ASAP2: variants seen among roughly 807,000 people sequenced by gnomAD.
The protein encoded by ASAP2 is ArfGAP with SH3 domain, ankyrin repeat and PH domain 2, also known as arf-GAP with SH3 domain, ANK repeat and PH domain-containing protein 2.
ASAP2 carries 45 observed loss-of-function variants against 131.4 expected under a neutral mutation model. The ratio of observed to expected loss-of-function variants is 0.34; its 90% CI spans 0.27 to 0.44. The LOEUF (loss-of-function observed/expected upper bound fraction) is 0.44. ASAP2 is among the 20% of genes least tolerant of loss of function. The pLI, the probability that ASAP2 is intolerant of heterozygous loss-of-function variation, is 1.00. For missense variants in ASAP2, 1,011 were observed against 1,297.0 expected, an observed-to-expected ratio of 0.78 and a Z score of 3.39; for synonymous variants, 510 against 503.0, an observed-to-expected ratio of 1.01 and a Z score of -0.19.
At chr2:9,325,268 T>C (rs1432280071) in intron 6 of ASAP2, among the ~76,000 whole-genome samples, 1 of 152,044 alleles carries the variant, frequency 6.6e-6, no homozygotes, top group Non-Finnish European at 1.5e-5. Context: ...CCTCATAGAG[T>C]GGCAGAGAAA....
At chr2:9,320,570 G>A (rs534354948) in intron 5 of ASAP2, among the ~76,000 whole-genome samples, 1 of 152,272 alleles carries the variant, frequency 6.6e-6, no homozygotes, top group African/African-American at 2.4e-5. Flanking sequence ...GTTATAGGAT[G>A]TTATTTTCAG....
At chr2:9,365,228 AG>A (rs1673376055) in intron 15 of ASAP2, among the ~76,000 whole-genome samples, 1 of 152,202 alleles carries the variant, frequency 6.6e-6, no homozygotes, top group Admixed American at 6.5e-5. Flanking sequence ...AGTTTGGTCA[AG>A]CCCCTTCCCT....
intron 16 of ASAP2, among the ~76,000 whole-genome samples, chr2:9,368,946 G>A (rs947059357): frequency 1.3e-5 from 2 of 151,800 alleles, no homozygotes; most frequent in African/African-American, 4.8e-5. Flanking sequence ...CCTTGCAAAT[G>A]TGGAATGTGT....
In ASAP2 at chr2:9,302,122, C is replaced by CTTTT. The variant is rs60869426; in HGVS notation, c.345+4691_345+4694dup. On this transcript the variant is annotated intron_variant, in intron 3 of 27. Transcript: ENST00000281419. ...ACAGGCGTGAGCCACCGCGCCCGGC[C>CTTTT]TTTTTTTTTTTTTTTTTCCCAAACA... Among the ~76,000 whole-genome samples the CTTTT allele has an allele frequency of 1.8e-3, 188 of 103,382 alleles. 1 individual carries two copies. Among genetic ancestry groups the CTTTT allele is most frequent in the South Asian group, 2.3e-3 (7 of 3,002 alleles). The allele number at this position is 103,382 out of a possible 152,430, so 67.8% of individuals were successfully genotyped here.
At chr2:9,220,536 A>G (rs1662342511) in intron 1 of ASAP2, among the ~76,000 whole-genome samples, 1 of 152,190 alleles carries the variant, frequency 6.6e-6, no homozygotes, top group Non-Finnish European at 1.5e-5. Context: ...TATCTATTCA[A>G]ATCCTTTGCC....
chr2:9,350,688 C>T lies in ASAP2; in HGVS notation c.1024-120C>T, dbSNP rs1672272077. ...GCCTTCCTCTGTCAAGTCTGAAGGC[C>T]ACCTTTGCAAACTAGTGAAGAGCTT... is the stretch of plus-strand genomic sequence containing the variant. On this transcript the variant is annotated intron_variant, in intron 11 of 27. Coordinates refer to ENST00000281419, the MANE Select transcript of ASAP2 (RefSeq NM_003887.3). 6.5e-6 allele frequency: 5 copies of T among 771,702 alleles called. No individual in the cohort carries two copies. In the Admixed American group the frequency reaches 8.7e-5, roughly 13 times the overall value. 47.8% of individuals were successfully genotyped at this position (771,702 alleles called of 1,614,324 possible).
intron 7 of ASAP2, among the ~76,000 whole-genome samples, chr2:9,334,201 G>GTTTTTTTTTTTTT (rs111579113): frequency 1.5e-5 from 2 of 129,494 alleles, no homozygotes; most frequent in African/African-American, 3.0e-5. Context: ...TTTTGTATTT[G>GTTTTTTTTTTTTT]TTTTTTTTTT....
intron 16 of ASAP2, among the ~76,000 whole-genome samples, chr2:9,371,932 C>T (rs932162189): frequency 4.6e-5 from 7 of 152,088 alleles, no homozygotes; most frequent in Non-Finnish European, 7.4e-5. Context: ...CTGGCTAACA[C>T]GGTGAAACCC....
At chr2:9,358,672 T>C in intron 14 of ASAP2, 84 bp from the exon 15 acceptor site, 1 of 1,503,608 alleles carries the variant, frequency 6.7e-7, no homozygotes, top group South Asian at 1.3e-5. Context: ...GAACTGCTTG[T>C]TCAGTAACTA....
chr2:9,378,970 A>G lies in ASAP2; in HGVS notation c.1859A>G (p.Lys620Arg), dbSNP rs199689150. 5.3e-6 allele frequency: 8 copies of G among 1,513,226 alleles called. No individual in the cohort carries two copies. The highest frequency in any genetic ancestry group is 1.8e-4 in the Middle Eastern group (1 of 5,650). 93.7% of individuals were successfully genotyped at this position (1,513,226 alleles called of 1,614,324 possible). Reference protein sequence around the residue: ...NSGNLDKQTGKGSTALHYCCL... With the variant: ...NSGNLDKQTGRGSTALHYCCL... Reference sequence around the variant, plus strand: ...GGGAACCTGGATAAACAGACAGGGAAAGGCAGCACAGCCCTGCACTACTGC... The same window carrying G: ...GGGAACCTGGATAAACAGACAGGGAGAGGCAGCACAGCCCTGCACTACTGC... Residue 620 changes from lysine (K) to arginine (R), a missense_variant, in exon 19 of 28, where the codon AAA becomes AGA. Lys to Arg is a conservative substitution (Grantham distance 26). Transcript: ENST00000281419.
At chr2:9,254,218 A>AT (rs1664934245) in intron 1 of ASAP2, among the ~76,000 whole-genome samples, 2 of 77,812 alleles carry the variant, frequency 2.6e-5, no homozygotes, top group Non-Finnish European at 2.4e-5. Flanking sequence ...CAAAAAAAAA[A>AT]AAAAAAAAAA....
At chr2:9,280,649 G>A (rs905605119) in intron 2 of ASAP2, among the ~76,000 whole-genome samples, 1 of 152,174 alleles carries the variant, frequency 6.6e-6, no homozygotes, top group Non-Finnish European at 1.5e-5. Flanking sequence ...TTAGTGTCAG[G>A]CCTCCCCAAA....
Position 9,388,297 on chromosome 2 carries a change from A to C in ASAP2, c.2134A>C (p.Ser712Arg), listed in dbSNP as rs764019472. The C allele has an allele frequency of 1.2e-6, 2 of 1,613,828 alleles. No homozygotes were observed. Among genetic ancestry groups the C allele is most frequent in the South Asian group, 1.1e-5 (1 of 91,026 alleles). Reference protein sequence around the residue: ...DDDMDEKLQPSPNRREDRPIS... With the variant: ...DDDMDEKLQPRPNRREDRPIS... ...CTGCCCCAATGTTCTCCTGCAGCCC[A>C]GTCCCAACCGGCGGGAAGACCGGCC... The change falls in exon 22 of 28, where the codon AGT becomes CGT. Residue 712 changes from serine (S) to arginine (R), a missense_variant. Transcript: ENST00000281419.
intron 3 of ASAP2, among the ~76,000 whole-genome samples, chr2:9,299,608 G>A (rs1383831362): frequency 1.3e-5 from 2 of 152,182 alleles, no homozygotes; most frequent in East Asian, 1.9e-4. Context: ...GGATCATGGC[G>A]AAGGGAAGTC....
chr2:9,381,387 T>G (rs900806743), intron 20 of ASAP2, among the ~76,000 whole-genome samples: 1 of 152,250 alleles, frequency 6.6e-6, no homozygotes, highest in Non-Finnish European at 1.5e-5. Flanking sequence ...TATATAAGGT[T>G]GTTGTGAGAA....
intron 27 of ASAP2, 73 bp from the exon 28 acceptor site, chr2:9,403,180 C>G: frequency 7.5e-7 from 1 of 1,329,644 alleles, no homozygotes; most frequent in Non-Finnish European, 1.1e-6. Flanking sequence ...ACCAAACGCT[C>G]TATGTAATGC....
intron 8 of ASAP2, 136 bp from the exon 9 acceptor site, chr2:9,334,957 T>G: frequency 7.5e-7 from 1 of 1,325,084 alleles, no homozygotes; most frequent in Non-Finnish European, 1.1e-6. Context: ...TCCTCTGTCT[T>G]GGTGGGAGGG....
intron 3 of ASAP2, among the ~76,000 whole-genome samples, chr2:9,312,889 A>G (rs995371904): frequency 1.3e-5 from 2 of 152,120 alleles, no homozygotes; most frequent in Non-Finnish European, 2.9e-5. Flanking sequence ...CCCCGTCTCT[A>G]CTAATAATAC....
intron 15 of ASAP2, 147 bp downstream of exon 15, chr2:9,359,036 C>T: frequency 9.5e-7 from 1 of 1,058,106 alleles, no homozygotes; most frequent in Non-Finnish European, 1.3e-6. Flanking sequence ...ATTGATAATT[C>T]TTCATTTTTA....
Sources: allele counts gnomAD v4.1 joint callset (sites outside exome capture counted in the v4.1 genomes callset), GRCh38; gene constraint gnomAD v4.1.1; transcripts MANE v1.5; gene names NCBI Gene and HGNC (gene_info 2026-07-23, HGNC 2026-07-21).